The following KCNH1 variants were observed in gnomAD, a reference collection of about 807,000 sequenced individuals.
KCNH1 encodes potassium voltage-gated channel subfamily H member 1, also known as voltage-gated delayed rectifier potassium channel KCNH1.
In KCNH1, 27 loss-of-function variants were observed where a neutral mutation model predicts 69.2. The ratio of observed to expected loss-of-function variants is 0.39; its 90% CI spans 0.29 to 0.54. The LOEUF (loss-of-function observed/expected upper bound fraction) is 0.54. KCNH1 is among the 20% of genes least tolerant of loss of function. KCNH1 has a pLI of 0.68. For missense variants in KCNH1, 798 were observed against 1,261.6 expected, an observed-to-expected ratio of 0.63 and a Z score of 5.57; for synonymous variants, 456 against 487.7, an observed-to-expected ratio of 0.93 and a Z score of 0.86.
chr1:210,691,884 A>G (rs1211391328), intron 10 of KCNH1, among the ~76,000 whole-genome samples: 1 of 152,196 alleles, frequency 6.6e-6, no homozygotes, highest in African/African-American at 2.4e-5. Flanking sequence ...CTTATTGGAA[A>G]ATCCTGCCTC....
At chr1:210,877,495 T>A (rs1428328329) in intron 7 of KCNH1, among the ~76,000 whole-genome samples, 1 of 152,178 alleles carries the variant, frequency 6.6e-6, no homozygotes, top group Non-Finnish European at 1.5e-5. Context: ...TTTTCTACAT[T>A]TGCATCAGGA....
In KCNH1 at chr1:210,683,854, G is replaced by C. The variant is rs752956928; in HGVS notation, c.2397C>G (p.Ser799=). The C allele has an allele frequency of 6.2e-7, 1 of 1,614,142 alleles. No individual in the cohort carries two copies. Among genetic ancestry groups the C allele is most frequent in the Non-Finnish European group, 8.5e-7 (1 of 1,180,036 alleles). ...CCCCGGAGGTGGAGGCTGCCTGGAA[G>C]GATACGGGCGTGGCAGGACTCTCAC... ...TVRESPATPV[S]FQAASTSGVP... Residue 799 remains serine, a synonymous_variant, in exon 11 of 11, where the codon TCC becomes TCG. Transcript: ENST00000271751. This position sits in a 1 kb window ranked among gnomAD's most constrained non-coding sequence, Gnocchi z 5.7.
chr1:210,973,990 G>T (rs1688557330), intron 6 of KCNH1, among the ~76,000 whole-genome samples: 1 of 151,940 alleles, frequency 6.6e-6, no homozygotes, highest in Non-Finnish European at 1.5e-5. Flanking sequence ...TTTCCCAAAG[G>T]TTTGCAACAA....
chr1:210,685,015 T>C (rs1424930297), intron 10 of KCNH1, among the ~76,000 whole-genome samples: 7 of 152,092 alleles, frequency 4.6e-5, no homozygotes, highest in Non-Finnish European at 2.9e-5. Context: ...AAACCCCAGA[T>C]CCGTTAGGTG....
In KCNH1 at chr1:210,740,699, A is replaced by G. The variant is rs977890216; in HGVS notation, c.2112+34649T>C. On this transcript the variant is annotated intron_variant, in intron 10 of 10. Transcript: ENST00000271751. ...AAAAAGTCTCTGATTAAATTTTATG[A>G]TTAAATTTTTTTTTTTTTTTTTTTT... Among the ~76,000 whole-genome samples, 3 of 136,114 alleles carry G rather than the reference A, an allele frequency of 2.2e-5. No homozygotes were observed. In the Admixed American group the frequency reaches 2.2e-4, roughly 10 times the overall value. 89.3% of individuals were successfully genotyped at this position (136,114 alleles called of 152,430 possible).
chr1:210,898,680 G>GC (rs573639297), intron 7 of KCNH1, among the ~76,000 whole-genome samples: 1 of 142,622 alleles, frequency 7.0e-6, no homozygotes, highest in Non-Finnish European at 1.6e-5. Context: ...AGGCGTGGCG[G>GC]CGGGGGGGGG....
intron 10 of KCNH1, among the ~76,000 whole-genome samples, chr1:210,754,020 T>C (rs1683340417): frequency 6.6e-6 from 1 of 151,878 alleles, no homozygotes; most frequent in African/African-American, 2.4e-5. Context: ...GTTCAGGCCG[T>C]TCTCCTGCCT....
intron 6 of KCNH1, among the ~76,000 whole-genome samples, chr1:210,967,590 T>A (rs1170559609): frequency 1.3e-5 from 2 of 152,122 alleles, no homozygotes; most frequent in African/African-American, 4.8e-5. Flanking sequence ...GCTACCTTTA[T>A]TCTTCATATT....
At chr1:210,803,772 A>AT (rs1312850207) in intron 8 of KCNH1, among the ~76,000 whole-genome samples, 195 bp downstream of exon 8, 2 of 152,220 alleles carry the variant, frequency 1.3e-5, no homozygotes, top group Non-Finnish European at 1.5e-5. Context: ...TTTCTTAATG[A>AT]TGTTTTATTG....
chr1:210,736,183 C>T, intron 10 of KCNH1, among the ~76,000 whole-genome samples: 1 of 152,094 alleles, frequency 6.6e-6, no homozygotes, highest in Admixed American at 6.6e-5. Context: ...GTAGCTGAGA[C>T]TACAGGAGTG....
chr1:210,860,458 G>A (rs991925608), intron 7 of KCNH1: 1 of 884,626 alleles, frequency 1.1e-6, no homozygotes, highest in Admixed American at 1.7e-5. Context: ...AATTCCCATA[G>A]CAGTAACTGC....
At position 210,681,931 on chromosome 1, in the gene KCNH1, A is replaced by T. The variant is rs1681279023; in HGVS notation, c.*1350T>A. The T allele has an allele frequency of 6.6e-6, 1 of 152,218 alleles. No homozygotes were observed. Among genetic ancestry groups the T allele is most frequent in the Non-Finnish European group, 1.5e-5 (1 of 68,078 alleles). 9.4% of individuals were successfully genotyped at this position (152,218 alleles called of 1,614,324 possible). On this transcript the variant is annotated 3_prime_UTR_variant, in exon 11 of 11. Coordinates refer to ENST00000271751, the MANE Select transcript of KCNH1 (RefSeq NM_172362.3). ...ATGCCATTGAGAGAAGCCCAAGCAC[A>T]TGAATAACCTGACTTAGGTGACCAT... is the stretch of plus-strand genomic sequence containing the variant.
At chr1:211,092,104 G>A (rs140924762) in intron 3 of KCNH1, among the ~76,000 whole-genome samples, 1 of 152,198 alleles carries the variant, frequency 6.6e-6, no homozygotes, top group Admixed American at 6.5e-5. Flanking sequence ...CCCACGCTAA[G>A]TAATAGTTTC....
chr1:210,936,141 G>A (rs1687770927), intron 6 of KCNH1, among the ~76,000 whole-genome samples: 1 of 152,192 alleles, frequency 6.6e-6, no homozygotes, highest in Non-Finnish European at 1.5e-5. Context: ...GGTCTGTATG[G>A]AGACACAATC....
chr1:210,997,227 A>AAATTCAAACC (rs1020530164), intron 6 of KCNH1, among the ~76,000 whole-genome samples: 4 of 152,236 alleles, frequency 2.6e-5, no homozygotes, highest in African/African-American at 9.6e-5. Flanking sequence ...CTACAGGAGG[A>AAATTCAAACC]AATTCAAACC....
chr1:210,860,755 C>G, intron 7 of KCNH1: 1 of 793,742 alleles, frequency 1.3e-6, no homozygotes, highest in South Asian at 1.4e-5. Context: ...AGGCATGTCT[C>G]TGTCATCAAT....
At chr1:210,708,143 AAG>A (rs1410456595) in intron 10 of KCNH1, among the ~76,000 whole-genome samples, 2 of 152,202 alleles carry the variant, frequency 1.3e-5, no homozygotes, top group African/African-American at 4.8e-5. Context: ...TCTCCAGGCA[AAG>A]AAGGGGTGTC....
At chr1:210,689,763 C>A (rs564046014) in intron 10 of KCNH1, among the ~76,000 whole-genome samples, 34 of 152,322 alleles carry the variant, frequency 2.2e-4, no homozygotes, top group African/African-American at 7.7e-4. Flanking sequence ...TGTATCAGAT[C>A]AATGGTTCTG....
intron 6 of KCNH1, among the ~76,000 whole-genome samples, chr1:210,937,348 C>T (rs1402621443): frequency 6.6e-6 from 1 of 152,224 alleles, no homozygotes; most frequent in Non-Finnish European, 1.5e-5. Context: ...GGAATCACCA[C>T]CTTACAAGGT....
Sources: allele counts gnomAD v4.1 joint callset (sites outside exome capture counted in the v4.1 genomes callset), GRCh38; gene constraint gnomAD v4.1.1; non-coding constraint Gnocchi (gnomAD v3.1); transcripts MANE v1.5; gene names NCBI Gene and HGNC (gene_info 2026-07-23, HGNC 2026-07-21).